The following PDZRN3 variants were observed in gnomAD, a reference collection of about 807,000 sequenced individuals.
The protein encoded by PDZRN3 is PDZ domain containing ring finger 3.
PDZRN3 carries 38 observed loss-of-function variants against 85.7 expected under a neutral mutation model. The ratio of observed to expected loss-of-function variants is 0.44; its 90% confidence interval spans 0.34 to 0.58. PDZRN3 has a LOEUF of 0.58. Among genes scored for constraint, PDZRN3 ranks in the 20% least tolerant of loss-of-function variants. PDZRN3 has a pLI of 0.01. For synonymous variants in PDZRN3, 759 were observed against 638.0 expected (o/e 1.19, Z -2.86); for missense variants, 1,629 against 1,506.4 (o/e 1.08, Z -1.35).
Position 73,451,457 on chromosome 3 carries a change from TA to T in PDZRN3, c.919-47063del, listed in dbSNP as rs1361736634. 3.3e-5 allele frequency among the ~76,000 whole-genome samples: 5 copies of T among 152,140 alleles called. No homozygotes were observed. In the East Asian group the frequency reaches 9.6e-4, roughly 29 times the overall value. On this transcript the variant is annotated intron_variant, in intron 3 of 9. Coordinates refer to ENST00000263666, the MANE Select transcript of PDZRN3 (RefSeq NM_015009.3). ...CCACAAGTGCTGAATATGTTGACTT[TA>T]AATGTCTACAGGGAACATATGTCAT...
chr3:73,592,150 T>C (rs1702365186), intron 3 of PDZRN3, among the ~76,000 whole-genome samples: 2 of 152,176 alleles, frequency 1.3e-5, no homozygotes, highest in African/African-American at 2.4e-5. Flanking sequence ...AGTTTTTGGA[T>C]GTGCGTTGCA....
At chr3:73,429,669 CAGTT>C (rs1338863504) in intron 3 of PDZRN3, among the ~76,000 whole-genome samples, 1 of 152,194 alleles carries the variant, frequency 6.6e-6, no homozygotes, top group East Asian at 1.9e-4. Flanking sequence ...TGGCAGGTCA[CAGTT>C]AGTGGTAAAG....
At chr3:73,541,617 TTTTTCTACATTATATATGTGATATA>T (rs774816119) in intron 3 of PDZRN3, among the ~76,000 whole-genome samples, 7 of 152,214 alleles carry the variant, frequency 4.6e-5, no homozygotes, top group Non-Finnish European at 8.8e-5. Context: ...TTTCCAGTCA[TTTTTCTACATTATATATGTGATATA>T]TACATGTTGG....
chr3:73,542,759 T>C (rs1284999425), intron 3 of PDZRN3, among the ~76,000 whole-genome samples: 1 of 151,690 alleles, frequency 6.6e-6, no homozygotes, highest in African/African-American at 2.4e-5. Context: ...GGGCGACAAG[T>C]GGGAAACTCC....
At chr3:73,543,862 G>A (rs1387568888) in intron 3 of PDZRN3, among the ~76,000 whole-genome samples, 1 of 152,168 alleles carries the variant, frequency 6.6e-6, no homozygotes, top group Non-Finnish European at 1.5e-5. Context: ...AGTTTTAGCT[G>A]TTATTATCAA....
chr3:73,418,333 G>A (rs983714241), intron 3 of PDZRN3, among the ~76,000 whole-genome samples: 1 of 152,104 alleles, frequency 6.6e-6, no homozygotes, highest in African/African-American at 2.4e-5. Context: ...GTATGAACTG[G>A]GCTAAAAACA....
intron 3 of PDZRN3, among the ~76,000 whole-genome samples, chr3:73,549,318 C>T (rs1701498452): frequency 6.6e-6 from 1 of 152,134 alleles, no homozygotes; most frequent in African/African-American, 2.4e-5. Context: ...ATAGAATAGG[C>T]TCTTTTCTTC....
intron 3 of PDZRN3, among the ~76,000 whole-genome samples, chr3:73,586,161 G>A (rs562624815): frequency 1.1e-4 from 17 of 152,160 alleles, no homozygotes; most frequent in African/African-American, 3.4e-4. Flanking sequence ...GATTCCTCAC[G>A]ATTTCCCTCT....
chr3:73,606,028 G>A (rs1452788153), intron 2 of PDZRN3, among the ~76,000 whole-genome samples: 1 of 152,238 alleles, frequency 6.6e-6, no homozygotes, highest in African/African-American at 2.4e-5. Flanking sequence ...GGTGAGTGTG[G>A]AAACTGAACA....
intron 3 of PDZRN3, among the ~76,000 whole-genome samples, chr3:73,558,117 T>C (rs1039634121): frequency 6.6e-6 from 1 of 152,040 alleles, no homozygotes; most frequent in African/African-American, 2.4e-5. Flanking sequence ...ACAGAAATTC[T>C]GTTGCCAAAA....
intron 3 of PDZRN3, among the ~76,000 whole-genome samples, chr3:73,512,241 G>A (rs1056602731): frequency 6.6e-5 from 10 of 152,288 alleles, no homozygotes; most frequent in African/African-American, 2.4e-4. Flanking sequence ...TCACAGCAGC[G>A]AACCGTTCCA....
chr3:73,606,512 G>A (rs1250823705), intron 2 of PDZRN3, among the ~76,000 whole-genome samples: 4 of 152,180 alleles, frequency 2.6e-5, no homozygotes, highest in African/African-American at 9.7e-5. Flanking sequence ...AGCACATGAT[G>A]ACATGCAGCC....
At chr3:73,460,233 A>T (rs1703076133) in intron 3 of PDZRN3, among the ~76,000 whole-genome samples, 1 of 152,236 alleles carries the variant, frequency 6.6e-6, no homozygotes, top group Non-Finnish European at 1.5e-5. Flanking sequence ...TCTGAGCGAA[A>T]GAATCCTGTC....
intron 3 of PDZRN3, among the ~76,000 whole-genome samples, chr3:73,541,913 G>A (rs1458734161): frequency 1.3e-5 from 2 of 152,124 alleles, no homozygotes; most frequent in African/African-American, 4.8e-5. Context: ...ATGGGTGCTT[G>A]AAATAGTTTC....
chr3:73,452,599 C>G (rs1702885649), intron 3 of PDZRN3, among the ~76,000 whole-genome samples: 1 of 152,166 alleles, frequency 6.6e-6, no homozygotes, highest in African/African-American at 2.4e-5. Flanking sequence ...ATCATCTCAT[C>G]CACCATCCTA....
At chr3:73,431,080 AC>A (rs1702421662) in intron 3 of PDZRN3, among the ~76,000 whole-genome samples, 1 of 151,998 alleles carries the variant, frequency 6.6e-6, no homozygotes, top group African/African-American at 2.4e-5. Context: ...TGACCTTACG[AC>A]CCCAGGTAGG....
intron 7 of PDZRN3, among the ~76,000 whole-genome samples, chr3:73,388,351 G>A (rs530067945): frequency 7.2e-5 from 11 of 152,180 alleles, no homozygotes; most frequent in African/African-American, 2.2e-4. Context: ...TCCAGAAGAC[G>A]GCACTGAGAA....
intron 3 of PDZRN3, among the ~76,000 whole-genome samples, chr3:73,513,877 A>G (rs1478238821): frequency 1.3e-5 from 2 of 152,276 alleles, no homozygotes; most frequent in African/African-American, 4.8e-5. Flanking sequence ...ATTATACTTC[A>G]GAGATGACAA....
Position 73,624,297 on chromosome 3 carries a change from G to A in PDZRN3, c.529C>T (p.Leu177=). 3.7e-6 allele frequency: 5 copies of A among 1,365,608 alleles called. No homozygotes were observed. Among genetic ancestry groups the A allele is most frequent in the East Asian group, 3.1e-5 (1 of 32,502 alleles). The allele number at this position is 1,365,608 out of a possible 1,614,324, so 84.6% of individuals were successfully genotyped here. A position where few individuals can be genotyped will look rare whatever the true frequency, so the allele number is the denominator to read the frequency against. ...TTGAGCGCCTTGTGCAGCGCGCCCA[G>A]GCGGGCCTGGAGCGCGCCGTTGTGC... ...RAHNGALQAR[L]GALHKALKKE... The change falls in exon 1 of 10, where the codon CTG becomes TTG. Residue 177 remains leucine (L), a synonymous_variant. Transcript: ENST00000263666.
Sources: allele counts gnomAD v4.1 joint callset (sites outside exome capture counted in the v4.1 genomes callset), GRCh38; gene constraint gnomAD v4.1.1; transcripts MANE v1.5; gene names NCBI Gene and HGNC (gene_info 2026-07-23, HGNC 2026-07-21).